ADAM19: variants seen among roughly 807,000 people sequenced by gnomAD.
ADAM19 encodes the protein disintegrin and metalloproteinase domain-containing protein 19.
Under a neutral mutation model 114.7 loss-of-function variants are expected in ADAM19, and 65 were observed. That is an observed-to-expected ratio of 0.57 (90% confidence interval 0.46 to 0.70). ADAM19 has a LOEUF of 0.70. ADAM19 is among the 30% of genes least tolerant of loss of function. The probability of loss-of-function intolerance (pLI) is 0.00; values close to 1 mark genes in which losing one functional copy is unlikely to be tolerated. For synonymous variants in ADAM19, 466 were observed against 460.5 expected (o/e 1.01, Z -0.15); for missense variants, 1,063 against 1,204.7 (o/e 0.88, Z 1.74).
At position 157,478,290 on chromosome 5, in the gene ADAM19, CAAAAAAAAAAAA is replaced by C. The variant is rs36056270; in HGVS notation, c.*2647_*2658del. The C allele has an allele frequency of 0.13, 9,245 of 69,758 alleles. 399 individuals carry two copies. The highest frequency in any genetic ancestry group is 0.23 in the Middle Eastern group (28 of 124). The allele number at this position is 69,758 out of a possible 1,614,324, so 4.3% of individuals were successfully genotyped here. A position where few individuals can be genotyped will look rare whatever the true frequency, so the allele number is the denominator to read the frequency against. ...CAGCAAACAGCCCCTCCCCTGGAGA[CAAAAAAAAAAAA>C]AAAAAAAAAAAGGCTGGGCACAACG... On this transcript the variant is annotated 3_prime_UTR_variant, in exon 23 of 23. Coordinates refer to ENST00000257527, the MANE Select transcript of ADAM19 (RefSeq NM_033274.5).
At position 157,533,683 on chromosome 5, in the gene ADAM19, G is replaced by A. The variant is rs949337863; in HGVS notation, c.331-2800C>T. Among the ~76,000 whole-genome samples, 11 of 152,222 alleles carry A rather than the reference G, an allele frequency of 7.2e-5. 1 individual carries two copies. The highest frequency in any genetic ancestry group is 6.5e-4 in the Admixed American group (10 of 15,290). On this transcript the variant is annotated intron_variant, in intron 4 of 22. Coordinates refer to ENST00000257527, the MANE Select transcript of ADAM19 (RefSeq NM_033274.5). ...AAAACGCTGGTTAACAGAAAGAACT[G>A]AGGCCAGGCGCGGTGGCTCATGCCC...
intron 3 of ADAM19, among the ~76,000 whole-genome samples, chr5:157,540,043 C>T (rs1193800928): frequency 6.6e-6 from 1 of 152,170 alleles, no homozygotes; most frequent in African/African-American, 2.4e-5. Context: ...TTTGTTTCCT[C>T]TTACACAAAA....
At chr5:157,567,650 A>T (rs1302299459) in intron 2 of ADAM19, among the ~76,000 whole-genome samples, 4 of 152,128 alleles carry the variant, frequency 2.6e-5, no homozygotes, top group African/African-American at 9.7e-5. Context: ...ATACAAAATT[A>T]GCCAGGCATG....
intron 5 of ADAM19, among the ~76,000 whole-genome samples, chr5:157,527,312 G>A (rs1278254569): frequency 2.6e-5 from 4 of 152,062 alleles, no homozygotes; most frequent in African/African-American, 4.8e-5. Flanking sequence ...CCGGGTTCAC[G>A]CCATTCTCCT....
intron 3 of ADAM19, among the ~76,000 whole-genome samples, chr5:157,556,245 G>T (rs538460391): frequency 4.3e-4 from 47 of 110,584 alleles, no homozygotes; most frequent in Middle Eastern, 8.8e-3. Flanking sequence ...TTGAGATGGG[G>T]TCTCACTCTA....
intron 3 of ADAM19, among the ~76,000 whole-genome samples, chr5:157,554,138 C>T (rs1294515915): frequency 1.3e-5 from 2 of 152,198 alleles, no homozygotes; most frequent in Admixed American, 6.5e-5. Context: ...TAAATGCTCA[C>T]TCCCTCAATG....
intron 2 of ADAM19, chr5:157,566,257 A>C (rs1757659616): frequency 6.6e-6 from 1 of 152,240 alleles, no homozygotes; most frequent in East Asian, 1.9e-4. Flanking sequence ...GTAGTTGTTA[A>C]ATTACTGACA....
intron 7 of ADAM19, among the ~76,000 whole-genome samples, chr5:157,516,018 G>A (rs138613945): frequency 6.6e-6 from 1 of 152,306 alleles, no homozygotes; most frequent in East Asian, 1.9e-4. Context: ...TGCATTCAGA[G>A]CCCCAAGGCT....
At chr5:157,524,097 T>C (rs564611453) in intron 5 of ADAM19, among the ~76,000 whole-genome samples, 5 of 152,390 alleles carry the variant, frequency 3.3e-5, no homozygotes, top group African/African-American at 1.2e-4. Context: ...GTCAGTGGAC[T>C]GCAGCTTTGT....
chr5:157,556,099 T>G (rs562775306), intron 3 of ADAM19, among the ~76,000 whole-genome samples: 3 of 152,188 alleles, frequency 2.0e-5, no homozygotes, highest in African/African-American at 7.2e-5. Context: ...TGGAGTGCAG[T>G]GGTGTGACCT....
chr5:157,535,688 C>T (rs1756745253), intron 4 of ADAM19, among the ~76,000 whole-genome samples: 1 of 152,246 alleles, frequency 6.6e-6, no homozygotes, highest in Non-Finnish European at 1.5e-5. Flanking sequence ...GCCTAATGCA[C>T]AAGCAGAGAG....
At chr5:157,573,517 G>T (rs6556088) in intron 1 of ADAM19, among the ~76,000 whole-genome samples, 1 of 152,040 alleles carries the variant, frequency 6.6e-6, no homozygotes, top group African/African-American at 2.4e-5. Context: ...AGGCCGAGGC[G>T]GGCGGATCAC....
At position 157,480,188 on chromosome 5, in the gene ADAM19, A is replaced by C. The variant is rs2113679259; in HGVS notation, c.*761T>G. On this transcript the variant is annotated 3_prime_UTR_variant, in exon 23 of 23. Transcript: ENST00000257527. ...GGGCACCAGGAAAGTGCGGCAGAGA[A>C]AACAAAGAGCAACTAAAAATTATCC... The C allele has an allele frequency of 1.0e-6, 1 of 986,182 alleles. No homozygotes were observed. The highest frequency in any genetic ancestry group is 1.1e-4 in the East Asian group (1 of 8,820). 61.1% of individuals were successfully genotyped at this position (986,182 alleles called of 1,614,324 possible). A position where few individuals can be genotyped will look rare whatever the true frequency, so the allele number is the denominator to read the frequency against.
rs1755181405 is a variant in ADAM19 at position 157,491,966 on chromosome 5, A to G, written c.1909-54T>C. The stretch of plus-strand genomic sequence containing the variant: ...TGCAATGGGAGGGATGCTGGTTGGG[A>G]GTTAGGAGGCAAGATTTTGCACTTG... On this transcript the variant is annotated intron_variant, in intron 16 of 22. Coordinates refer to ENST00000257527, the MANE Select transcript of ADAM19 (RefSeq NM_033274.5). The G allele has an allele frequency of 2.3e-5, 37 of 1,586,992 alleles. 1 individual carries two copies. In the South Asian group the frequency reaches 4.0e-4, roughly 17 times the overall value.
At chr5:157,567,226 G>A (rs1320392391) in intron 2 of ADAM19, among the ~76,000 whole-genome samples, 2 of 152,142 alleles carry the variant, frequency 1.3e-5, no homozygotes, top group East Asian at 1.9e-4. Flanking sequence ...TCAACATTCC[G>A]ATCAAAGGCT....
chr5:157,489,858 G>T (rs1221269657), intron 19 of ADAM19, among the ~76,000 whole-genome samples: 1 of 152,194 alleles, frequency 6.6e-6, no homozygotes, highest in East Asian at 1.9e-4. Flanking sequence ...ATGGTGGCAT[G>T]CACCTGTAGC....
intron 14 of ADAM19, among the ~76,000 whole-genome samples, chr5:157,495,103 C>G (rs1365889476): frequency 6.6e-6 from 1 of 152,086 alleles, no homozygotes; most frequent in Non-Finnish European, 1.5e-5. Flanking sequence ...AATTCTCTAC[C>G]TCAGCCTCCC....
At chr5:157,499,034 G>C (rs1280412448) in intron 13 of ADAM19, among the ~76,000 whole-genome samples, 1 of 152,064 alleles carries the variant, frequency 6.6e-6, no homozygotes, top group African/African-American at 2.4e-5. Flanking sequence ...TCAATATTAG[G>C]AATGTGGGCA....
chr5:157,514,129 G>A (rs1359735241), intron 7 of ADAM19, among the ~76,000 whole-genome samples: 1 of 152,156 alleles, frequency 6.6e-6, no homozygotes. Flanking sequence ...TGAAATGGTT[G>A]AGAAAACCTG....
Sources: gnomAD v4.1 joint callset for allele counts (sites outside exome capture counted in the v4.1 genomes callset) on GRCh38, gnomAD v4.1.1 for gene constraint, MANE v1.5 for transcripts, NCBI Gene and HGNC (gene_info 2026-07-23, HGNC 2026-07-21) for gene names.